LAMB3: variants seen among roughly 807,000 people sequenced by gnomAD.
LAMB3 encodes the protein laminin subunit beta 3, also known as laminin subunit beta-3.
In LAMB3, 104 loss-of-function variants were observed where a neutral mutation model predicts 140.3. That is an observed-to-expected ratio of 0.74 (90% CI 0.63 to 0.87). LAMB3 has a LOEUF of 0.87. Among genes scored for constraint, LAMB3 ranks in the 40% least tolerant of loss-of-function variants. The pLI is 0.00. For synonymous variants in LAMB3, 592 were observed against 602.9 expected, an observed-to-expected ratio of 0.98 and a Z score of 0.26; for missense variants, 1,531 against 1,575.2, an observed-to-expected ratio of 0.97 and a Z score of 0.47.
chr1:209,624,068 C>T, intron 14 of LAMB3, 68 bp from the exon 15 acceptor site: 1 of 1,361,056 alleles, frequency 7.3e-7, no homozygotes, highest in Non-Finnish European at 1.0e-6. Context: ...CAGCTATCCC[C>T]TCAGAGCAAC....
intron 2 of LAMB3, 53 bp from the exon 3 acceptor site, chr1:209,650,171 T>A: frequency 1.9e-6 from 3 of 1,552,354 alleles, no homozygotes; most frequent in Non-Finnish European, 2.6e-6. Flanking sequence ...GGGACCTCAC[T>A]GGCCACCCCA....
At position 209,618,757 on chromosome 1, in the gene LAMB3, G is replaced by A; in HGVS notation, c.2702-98C>T. On this transcript the variant is annotated intron_variant, in intron 18 of 22. Coordinates refer to ENST00000356082, the MANE Select transcript of LAMB3 (RefSeq NM_000228.3). The stretch of plus-strand genomic sequence containing the variant: ...GCAGCACTTGTGGAAGGCACCCACA[G>A]TGGCCCCTCTACCGTGGTGTCCCAA... 3 of 1,164,026 alleles carry A rather than the reference G, an allele frequency of 2.6e-6. No homozygotes were observed. In the South Asian group the frequency reaches 3.9e-5, roughly 15 times the overall value. The allele number at this position is 1,164,026 out of a possible 1,614,324, so 72.1% of individuals were successfully genotyped here.
chr1:209,617,258 TG>T, intron 21 of LAMB3, 151 bp downstream of exon 21: 1 of 854,562 alleles, frequency 1.2e-6, no homozygotes, highest in Non-Finnish European at 1.9e-6. Context: ...ATCAGATGCC[TG>T]GCCAGGTTTG....
chr1:209,645,716 C>A (rs7514594), intron 3 of LAMB3, among the ~76,000 whole-genome samples: 4 of 138,078 alleles, frequency 2.9e-5, no homozygotes, highest in Non-Finnish European at 6.2e-5. Flanking sequence ...ACTCTGTGTC[C>A]CAGGGGAAAA....
intron 3 of LAMB3, among the ~76,000 whole-genome samples, chr1:209,643,302 T>C (rs2076487421): frequency 6.6e-6 from 1 of 151,428 alleles, no homozygotes; most frequent in African/African-American, 2.4e-5. Context: ...CTCTCATATG[T>C]GATATGCCCC....
At chr1:209,630,577 C>A in intron 9 of LAMB3, 38 bp downstream of exon 9, 1 of 1,613,666 alleles carries the variant, frequency 6.2e-7, no homozygotes, top group Non-Finnish European at 8.5e-7. Flanking sequence ...AGCACTCGAC[C>A]CAGACCCTAC....
At chr1:209,635,770 A>C (rs1172849057) in intron 5 of LAMB3, among the ~76,000 whole-genome samples, 1 of 152,190 alleles carries the variant, frequency 6.6e-6, no homozygotes, top group African/African-American at 2.4e-5. Context: ...TAATGATTTT[A>C]AAACATAAAA....
Position 209,632,362 on chromosome 1 carries a change from A to G in LAMB3, c.822+221T>C, listed in dbSNP as rs140013212. Among the ~76,000 whole-genome samples, 3 of 152,380 alleles carry G rather than the reference A, an allele frequency of 2.0e-5. No homozygotes were observed. The East Asian group carries it at 5.8e-4, about 29-fold the overall frequency. On this transcript the variant is annotated intron_variant, in intron 8 of 22. Transcript: ENST00000356082. ...CCCAATTTCCACACTTATGTAAATG[A>G]AATGAAAATCATCTCAAATTAGGAA... is the stretch of plus-strand genomic sequence containing the variant.
chr1:209,645,584 C>T (rs185627000), intron 3 of LAMB3, among the ~76,000 whole-genome samples: 215 of 152,158 alleles, frequency 1.4e-3, no homozygotes, highest in African/African-American at 4.9e-3. Flanking sequence ...GGCATGGTGG[C>T]ATATGCCTGT....
At chr1:209,638,795 C>T (rs2076430908) in intron 3 of LAMB3, 147 bp from the exon 4 acceptor site, 1 of 681,846 alleles carries the variant, frequency 1.5e-6, no homozygotes, top group East Asian at 2.7e-5. Flanking sequence ...GGGTTAATCT[C>T]TTAAAACACA....
chr1:209,629,755 T>C lies in LAMB3; in HGVS notation c.1114A>G (p.Ile372Val). 1.9e-6 allele frequency: 3 copies of C among 1,614,062 alleles called. No homozygotes were observed. The highest frequency in any genetic ancestry group is 2.5e-6 in the Non-Finnish European group (3 of 1,180,026). ...TACTCACAGATGCAGGTCTCCTGAATGGAAGCTCCCGGGCGCCGGTTCCGG... is the reference window on the plus strand; with the variant it reads ...TACTCACAGATGCAGGTCTCCTGAACGGAAGCTCCCGGGCGCCGGTTCCGG... The part of the protein sequence containing the change: ...YFRNRRPGAS[I>V]QETCISCECD... The change falls in exon 10 of 23, where the codon ATT becomes GTT. Residue 372 changes from isoleucine (I) to valine (V), a missense_variant. Physicochemically the swap from Ile to Val is conservative, Grantham distance 29. Transcript: ENST00000356082.
chr1:209,632,980 G>T, intron 7 of LAMB3, 90 bp downstream of exon 7: 1 of 1,151,656 alleles, frequency 8.7e-7, no homozygotes, highest in Non-Finnish European at 1.3e-6. Flanking sequence ...ACAAAAACAT[G>T]AAAGACCAGG....
chr1:209,627,647 T>C (rs1203671593), intron 11 of LAMB3, 68 bp from the exon 12 acceptor site: 1 of 1,443,388 alleles, frequency 6.9e-7, no homozygotes, highest in Non-Finnish European at 9.7e-7. Context: ...AGGACACACA[T>C]CCAGGGAGGG....
rs116607807 is a variant in LAMB3 at position 209,629,789 on chromosome 1, C to T, written c.1080G>A (p.Leu360=). Residue 360 remains leucine, a synonymous_variant, in exon 10 of 23, where the codon CTG becomes CTA. Transcript: ENST00000356082. Reference sequence around the variant, plus strand: ...CCGGGCGCCGGTTCCGGAAATAGTGCAGCTGACACCGCTCACAGTTCTTGC... The same window carrying T: ...CCGGGCGCCGGTTCCGGAAATAGTGTAGCTGACACCGCTCACAGTTCTTGC... ...TEGKNCERCQ[L]HYFRNRRPGA... 1.1e-5 allele frequency: 18 copies of T among 1,614,046 alleles called. No homozygotes were observed. Among genetic ancestry groups the T allele is most frequent in the Non-Finnish European group, 1.5e-5 (18 of 1,180,036 alleles).
In LAMB3 at chr1:209,623,036, C is replaced by G; in HGVS notation, c.2502G>C (p.Gln834His). The change falls in exon 17 of 23, where the codon CAG becomes CAC. Residue 834 changes from glutamine (Q) to histidine (H), a missense_variant. Physicochemically the swap from Gln to His is conservative, Grantham distance 24. Coordinates refer to ENST00000356082, the MANE Select transcript of LAMB3 (RefSeq NM_000228.3). The surrounding 1 kb of genome is among the most constrained non-coding windows in gnomAD (Gnocchi z 4.2). Reference sequence around the variant, plus strand: ...TGAAGCCCCGCAGCTGCTCAGCCACCTGCCCCGCCATCAAGAAGGCCCCAC... The same window carrying G: ...TGAAGCCCCGCAGCTGCTCAGCCACGTGCCCCGCCATCAAGAAGGCCCCAC... ...RAGGAFLMAG[Q>H]VAEQLRGFNA... 1 of 1,614,076 alleles carries G rather than the reference C, an allele frequency of 6.2e-7. No homozygotes were observed. The highest frequency in any genetic ancestry group is 8.5e-7 in the Non-Finnish European group (1 of 1,180,020).
chr1:209,630,820 G>A, intron 8 of LAMB3, 85 bp from the exon 9 acceptor site: 1 of 1,485,950 alleles, frequency 6.7e-7, no homozygotes, highest in East Asian at 2.3e-5. Context: ...CTGACCCTCT[G>A]CGCACCACTC....
chr1:209,616,441 A>G (rs370409766), intron 22 of LAMB3, 30 bp downstream of exon 22: 31 of 1,613,496 alleles, frequency 1.9e-5, no homozygotes, highest in African/African-American at 4.0e-5. Context: ...TGAATGCCCA[A>G]TAGTCCATGC....
chr1:209,627,874 G>A (rs575428071), intron 11 of LAMB3, among the ~76,000 whole-genome samples, 161 bp downstream of exon 11: 2 of 152,200 alleles, frequency 1.3e-5, no homozygotes, highest in Non-Finnish European at 2.9e-5. Context: ...TGGGTAAGAG[G>A]GCAAGAAGTC....
chr1:209,627,642 A>G, intron 11 of LAMB3, 63 bp from the exon 12 acceptor site: 1 of 1,498,788 alleles, frequency 6.7e-7, no homozygotes, highest in Non-Finnish European at 9.2e-7. Context: ...CCCAGAGGAC[A>G]CACATCCAGG....
Sources: gnomAD v4.1 joint callset for allele counts (sites outside exome capture counted in the v4.1 genomes callset) on GRCh38, gnomAD v4.1.1 for gene constraint, Gnocchi (gnomAD v3.1) non-coding constraint, MANE v1.5 for transcripts, NCBI Gene and HGNC (gene_info 2026-07-23, HGNC 2026-07-21) for gene names.